Variants in PCDHGA3 observed in about 807,000 individuals in gnomAD.
PCDHGA3 encodes protocadherin gamma-A3.
In PCDHGA3, 40 loss-of-function variants were observed where a neutral mutation model predicts 58.5. The ratio of observed to expected loss-of-function variants is 0.68; its 90% CI spans 0.53 to 0.89. PCDHGA3 has a LOEUF of 0.89. Ranked by LOEUF, PCDHGA3 falls within the 40% of genes least tolerant of loss-of-function variation. The pLI is 0.00. For missense variants in PCDHGA3, 1,223 were observed against 1,195.9 expected, an observed-to-expected ratio of 1.02 and a Z score of -0.33; for synonymous variants, 530 against 525.7, an observed-to-expected ratio of 1.01 and a Z score of -0.11.
intron 1 of PCDHGA3, among the ~76,000 whole-genome samples, chr5:141,469,187 G>T (rs147209381): frequency 5.9e-5 from 9 of 151,588 alleles, no homozygotes; most frequent in African/African-American, 1.9e-4. Context: ...GAGGCAAGAG[G>T]ATTGCTTGAG....
chr5:141,356,851 T>C, intron 1 of PCDHGA3: 5 of 1,614,208 alleles, frequency 3.1e-6, no homozygotes, highest in Non-Finnish European at 4.2e-6. Context: ...ACTGAGCCTC[T>C]TTGTGCTGGA....
At chr5:141,403,758 T>G in intron 1 of PCDHGA3, 1 of 1,613,922 alleles carries the variant, frequency 6.2e-7, no homozygotes, top group Non-Finnish European at 8.5e-7. Context: ...GCCAGCGACC[T>G]GGATGAGGGA....
chr5:141,466,746 T>C (rs1035272591), intron 1 of PCDHGA3, among the ~76,000 whole-genome samples: 1 of 152,224 alleles, frequency 6.6e-6, no homozygotes, highest in African/African-American at 2.4e-5. Context: ...GTTACTCTGA[T>C]AGGGGCTCTT....
In PCDHGA3 at chr5:141,410,593, G is replaced by C. The variant is rs921521742; in HGVS notation, c.2424+64136G>C. ...TTCCACCTCATGGTGGGGAGGATTT[G>C]ACTTCACATCCTGAGACTCTGACTT... On this transcript the variant is annotated intron_variant, in intron 1 of 3. Coordinates refer to ENST00000253812, the MANE Select transcript of PCDHGA3 (RefSeq NM_018916.4). The C allele has an allele frequency of 2.5e-6, 4 of 1,608,934 alleles. No individual in the cohort carries two copies. In the African/African-American group the frequency reaches 5.3e-5, roughly 21 times the overall value.
intron 1 of PCDHGA3, chr5:141,430,865 C>G: frequency 6.3e-7 from 1 of 1,595,350 alleles, no homozygotes; most frequent in Non-Finnish European, 8.5e-7. Flanking sequence ...CTATTCAGTT[C>G]CGGAAGAGCT....
chr5:141,483,764 A>G (rs1170910094), intron 1 of PCDHGA3, among the ~76,000 whole-genome samples: 1 of 152,104 alleles, frequency 6.6e-6, no homozygotes, highest in East Asian at 1.9e-4. Context: ...AGGCTTGGAA[A>G]AATATTGGGG....
chr5:141,490,051 G>T lies in PCDHGA3; in HGVS notation c.2425-4756G>T, dbSNP rs779280988. On this transcript the variant is annotated intron_variant, in intron 1 of 3. Coordinates refer to ENST00000253812, the MANE Select transcript of PCDHGA3 (RefSeq NM_018916.4). The surrounding 1 kb of genome is among the most constrained non-coding windows in gnomAD (Gnocchi z 5.4). ...CCGCCTCAATGCCACTGATCCAGACGAGGGCACCAACGGCCAACTAGACTA... is the reference window on the plus strand; with the variant it reads ...CCGCCTCAATGCCACTGATCCAGACTAGGGCACCAACGGCCAACTAGACTA... 3 of 1,614,214 alleles carry T rather than the reference G, an allele frequency of 1.9e-6. No homozygotes were observed. The Middle Eastern group carries it at 4.9e-4, about 266-fold the overall frequency.
intron 1 of PCDHGA3, chr5:141,384,519 G>A (rs769300299): frequency 1.9e-6 from 3 of 1,614,220 alleles, no homozygotes; most frequent in Non-Finnish European, 2.5e-6. Flanking sequence ...GCGGGGACCC[G>A]CCTCTCAGCA....
Position 141,503,989 on chromosome 5 carries a change from C to T in PCDHGA3, c.2484-1404C>T, listed in dbSNP as rs534696225. Among the ~76,000 whole-genome samples the T allele has an allele frequency of 2.6e-5, 4 of 152,312 alleles. No individual in the cohort carries two copies. The South Asian group carries it at 8.3e-4, about 32-fold the overall frequency. On this transcript the variant is annotated intron_variant, in intron 2 of 3. Transcript: ENST00000253812. ...CATGGTGCCAAACCCTTCTTCTTAC[C>T]TTACAGTCACTTAACTGTCTCTGCT...
chr5:141,486,884 C>G lies in PCDHGA3; in HGVS notation c.2425-7923C>G, dbSNP rs1272694679. On this transcript the variant is annotated intron_variant, in intron 1 of 3. Transcript: ENST00000253812. The surrounding 1 kb of genome is among the most constrained non-coding windows in gnomAD (Gnocchi z 5.0). ...TCCAGCTGTGCTCCGTCCTCGGGCC[C>G]GGCCTGGTTCCTTATGTCCCCAAGC... The G allele has an allele frequency of 6.2e-7, 1 of 1,614,224 alleles. No homozygotes were observed. The highest frequency in any genetic ancestry group is 8.5e-7 in the Non-Finnish European group (1 of 1,180,046).
chr5:141,394,557 G>A (rs372165481), intron 1 of PCDHGA3: 23 of 1,613,964 alleles, frequency 1.4e-5, no homozygotes, highest in South Asian at 4.4e-5. Context: ...GCCCCGCTCC[G>A]CAGAGCGTGG....
chr5:141,457,972 A>AC (rs1198043621), intron 1 of PCDHGA3, among the ~76,000 whole-genome samples: 4 of 152,218 alleles, frequency 2.6e-5, no homozygotes, highest in African/African-American at 9.6e-5. Flanking sequence ...TTAAAGGGAA[A>AC]CACACCCTTT....
intron 1 of PCDHGA3, chr5:141,387,922 G>A (rs764365334): frequency 2.0e-6 from 3 of 1,478,496 alleles, no homozygotes; most frequent in African/African-American, 2.8e-5. Context: ...CGGGCTGAGA[G>A]GCTGCCAGTG....
intron 1 of PCDHGA3, among the ~76,000 whole-genome samples, chr5:141,467,680 T>A (rs75237059): frequency 6.6e-6 from 1 of 152,138 alleles, no homozygotes; most frequent in Non-Finnish European, 1.5e-5. Flanking sequence ...TTATTTTTTT[T>A]AGACAGGGTC....
Position 141,384,659 on chromosome 5 carries a change from T to A in PCDHGA3, c.2424+38202T>A, listed in dbSNP as rs375759581. ...CCCCGCTCCGCAGAGCCCGGCTACC[T>A]GGTGACCAAGGTGGTGGCGGTGGAC... is the stretch of plus-strand genomic sequence containing the variant. On this transcript the variant is annotated intron_variant, in intron 1 of 3. Transcript: ENST00000253812. The A allele has an allele frequency of 3.1e-6, 5 of 1,614,076 alleles. No individual in the cohort carries two copies. In the African/African-American group the frequency reaches 6.7e-5, roughly 22 times the overall value.
chr5:141,504,937 G>A (rs1350441435), intron 2 of PCDHGA3, among the ~76,000 whole-genome samples: 2 of 152,054 alleles, frequency 1.3e-5, no homozygotes, highest in East Asian at 1.9e-4. Context: ...GGTGGGTGGG[G>A]GAATGCACTA....
chr5:141,451,001 A>T (rs909477017), intron 1 of PCDHGA3, among the ~76,000 whole-genome samples: 2 of 148,266 alleles, frequency 1.3e-5, no homozygotes, highest in Middle Eastern at 3.4e-3. Context: ...ATTTTTTTGT[A>T]TTTTTTTTAG....
chr5:141,371,780 T>C, intron 1 of PCDHGA3: 6 of 1,613,990 alleles, frequency 3.7e-6, no homozygotes, highest in Non-Finnish European at 5.1e-6. Context: ...TGCATGTAGC[T>C]GAGAACAATC....
At position 141,476,683 on chromosome 5, in the gene PCDHGA3, C is replaced by T; in HGVS notation, c.2425-18124C>T. The T allele has an allele frequency of 1.9e-6, 3 of 1,614,242 alleles. No homozygotes were observed. Among genetic ancestry groups the T allele is most frequent in the Non-Finnish European group, 2.5e-6 (3 of 1,180,052 alleles). ...CGCTTCGCGTGCAGACGCGGGAGGA[C>T]AGCACCAAGTACGCGGAGCTGGTGT... On this transcript the variant is annotated intron_variant, in intron 1 of 3. Coordinates refer to ENST00000253812, the MANE Select transcript of PCDHGA3 (RefSeq NM_018916.4). The surrounding 1 kb of genome is among the most constrained non-coding windows in gnomAD (Gnocchi z 7.6).
Sources: gnomAD v4.1 joint callset for allele counts (sites outside exome capture counted in the v4.1 genomes callset) on GRCh38, gnomAD v4.1.1 for gene constraint, Gnocchi (gnomAD v3.1) non-coding constraint, MANE v1.5 for transcripts, NCBI Gene and HGNC (gene_info 2026-07-23, HGNC 2026-07-21) for gene names.